Variants in KDM5A observed in about 807,000 individuals in gnomAD.
The protein encoded by KDM5A is lysine-specific demethylase 5A.
Under a neutral mutation model 193.5 loss-of-function variants are expected in KDM5A, and 42 were observed. The ratio of observed to expected loss-of-function variants is 0.22; its 90% CI spans 0.17 to 0.28. The LOEUF (loss-of-function observed/expected upper bound fraction) is 0.28, where lower values mean the gene tolerates loss of function less well. Ranked by LOEUF, KDM5A falls within the 10% of genes least tolerant of loss-of-function variation. The pLI, the probability that KDM5A is intolerant of heterozygous loss-of-function variation, is 1.00. For missense variants in KDM5A, 1,692 were observed against 2,055.1 expected, an observed-to-expected ratio of 0.82 and a Z score of 3.42; for synonymous variants, 796 against 718.1, an observed-to-expected ratio of 1.11 and a Z score of -1.73.
chr12:307,300 A>G lies in KDM5A; in HGVS notation c.3930+154T>C, dbSNP rs965333977. Among the ~76,000 whole-genome samples the G allele has an allele frequency of 7.9e-5, 12 of 152,232 alleles. No homozygotes were observed. The highest frequency in any genetic ancestry group is 2.7e-4 in the African/African-American group (11 of 41,470). On this transcript the variant is annotated intron_variant, in intron 23 of 27. Transcript: ENST00000399788. The surrounding 1 kb of genome is among the most constrained non-coding windows in gnomAD (Gnocchi z 4.3). ...TATTTCACTAAGTACGTATCCAAAAAAAGTGCTATAGTGTATGTTGAAGGA... is the reference window on the plus strand; with the variant it reads ...TATTTCACTAAGTACGTATCCAAAAGAAGTGCTATAGTGTATGTTGAAGGA...
intron 14 of KDM5A, among the ~76,000 whole-genome samples, chr12:324,576 A>T (rs1362304804): frequency 6.6e-6 from 1 of 152,202 alleles, no homozygotes; most frequent in East Asian, 1.9e-4. Context: ...TCAGTATGCC[A>T]AGAACGTAAG....
chr12:281,511 T>C lies in KDM5A; in HGVS notation c.*3945A>G, dbSNP rs1943153857. The C allele has an allele frequency of 4.3e-6, 1 of 233,032 alleles. No individual in the cohort carries two copies. The highest frequency in any genetic ancestry group is 5.6e-5 in the Admixed American group (1 of 17,762). 14.4% of individuals were successfully genotyped at this position (233,032 alleles called of 1,614,324 possible). A position where few individuals can be genotyped will look rare whatever the true frequency, so the allele number is the denominator to read the frequency against. Reference sequence around the variant, plus strand: ...TAGGAGATACCACTTGGGACATTCATATCCAAAGAAGTAATGGTATGACTT... The same window carrying C: ...TAGGAGATACCACTTGGGACATTCACATCCAAAGAAGTAATGGTATGACTT... On this transcript the variant is annotated 3_prime_UTR_variant, in exon 28 of 28. Coordinates refer to ENST00000399788, the MANE Select transcript of KDM5A (RefSeq NM_001042603.3).
chr12:356,750 G>A (rs751289719), intron 5 of KDM5A, among the ~76,000 whole-genome samples: 1 of 152,074 alleles, frequency 6.6e-6, no homozygotes, highest in Non-Finnish European at 1.5e-5. Context: ...AATAAAACTC[G>A]TGTATGACTC....
intron 4 of KDM5A, 33 bp downstream of exon 4, chr12:365,901 T>C (rs1358459313): frequency 6.2e-7 from 1 of 1,608,634 alleles, no homozygotes; most frequent in South Asian, 1.1e-5. Flanking sequence ...ACTGGATTTA[T>C]CAACTTTTTC....
At chr12:358,594 G>A (rs527420497) in intron 5 of KDM5A, among the ~76,000 whole-genome samples, 5 of 152,166 alleles carry the variant, frequency 3.3e-5, no homozygotes, top group Admixed American at 6.5e-5. Flanking sequence ...CCAAAAAGTA[G>A]AATAAAACAG....
chr12:363,545 G>T (rs1258067001), intron 4 of KDM5A, among the ~76,000 whole-genome samples: 1 of 152,008 alleles, frequency 6.6e-6, no homozygotes, highest in African/African-American at 2.4e-5. Flanking sequence ...AAATGGCGCT[G>T]GTACTACTCA....
At chr12:358,798 C>T (rs978579550) in intron 5 of KDM5A, among the ~76,000 whole-genome samples, 1 of 151,808 alleles carries the variant, frequency 6.6e-6, no homozygotes, top group Non-Finnish European at 1.5e-5. Flanking sequence ...ATGGTGAAAC[C>T]CTGCTTCTAC....
At chr12:361,481 A>G (rs1270247431) in intron 5 of KDM5A, among the ~76,000 whole-genome samples, 1 of 152,178 alleles carries the variant, frequency 6.6e-6, no homozygotes, top group Non-Finnish European at 1.5e-5. Flanking sequence ...GGCGTGAGCC[A>G]CCATGCCCGG....
In KDM5A at chr12:310,985, G is replaced by A. The variant is rs2137394232; in HGVS notation, c.3116C>T (p.Ala1039Val). 2 of 1,614,146 alleles carry A rather than the reference G, an allele frequency of 1.2e-6. No homozygotes were observed. The highest frequency in any genetic ancestry group is 1.7e-6 in the Non-Finnish European group (2 of 1,180,022). The change falls in exon 21 of 28, where the codon GCA becomes GTA. Residue 1039 changes from alanine to valine, a missense_variant. Physicochemically the swap from Ala to Val is moderately conservative, Grantham distance 64. Coordinates refer to ENST00000399788, the MANE Select transcript of KDM5A (RefSeq NM_001042603.3). ...KGRPIPVRLE[A>V]LPQVESQVAA... ...TACCTGTGATTCCACTTGCGGCAGT[G>A]CTTCAAGACGCACAGGAATAGGGCG...
chr12:323,344 T>C (rs1943744907), intron 15 of KDM5A, 138 bp from the exon 16 acceptor site: 1 of 1,118,372 alleles, frequency 8.9e-7, no homozygotes, highest in Non-Finnish European at 1.3e-6. Context: ...GGGATCTTAG[T>C]TCACATAAAG....
intron 24 of KDM5A, among the ~76,000 whole-genome samples, chr12:300,985 A>C (rs1393840973): frequency 1.3e-5 from 2 of 152,224 alleles, no homozygotes; most frequent in East Asian, 1.9e-4. Flanking sequence ...ACCAGGAAGA[A>C]GTTGAATCCC....
chr12:368,836 C>A (rs1249926009), intron 3 of KDM5A, among the ~76,000 whole-genome samples: 1 of 152,168 alleles, frequency 6.6e-6, no homozygotes, highest in South Asian at 2.1e-4. Flanking sequence ...GGTGCCTACA[C>A]CTCGTTATGA....
At chr12:388,283 A>G (rs1477169435) in intron 1 of KDM5A, 1 of 456,062 alleles carries the variant, frequency 2.2e-6, no homozygotes, top group South Asian at 1.5e-5. Flanking sequence ...GTTATCTGCA[A>G]TAACTGTGAT....
chr12:328,872 T>C lies in KDM5A; in HGVS notation c.1931A>G (p.Glu644Gly), dbSNP rs1943826732. Residue 644 changes from glutamate to glycine, a missense_variant, in exon 14 of 28, where the codon GAA (glutamate) becomes GGA (glycine). Around this residue, in one of 11 missense-constraint regions of KDM5A, gnomAD observed 88 missense variants for 124.6 expected, o/e 0.71. Coordinates refer to ENST00000399788, the MANE Select transcript of KDM5A (RefSeq NM_001042603.3). ...MVCKELTLMT[E>G]EETRLRESVV... ...AGACTCTCTTAATCGTGTTTCTTCT[T>C]CAGTCATGAGAGTCAATTCTTTGCA... 1 of 1,614,070 alleles carries C rather than the reference T, an allele frequency of 6.2e-7. No homozygotes were observed. Among genetic ancestry groups the C allele is most frequent in the African/African-American group, 1.3e-5 (1 of 74,944 alleles).
intron 13 of KDM5A, among the ~76,000 whole-genome samples, chr12:330,085 G>GTGTGTGTGTGTATA (rs377271333): frequency 0.013 from 1,839 of 139,314 alleles, 17 homozygotes; most frequent in East Asian, 0.028. Context: ...GTGTGTGTGT[G>GTGTGTGTGTGTATA]TATATATATA....
At chr12:311,347 T>C in intron 20 of KDM5A, 1 of 410,126 alleles carries the variant, frequency 2.4e-6, no homozygotes, top group Non-Finnish European at 4.5e-6. Flanking sequence ...CAGACATATA[T>C]AAACACAGTT....
chr12:385,986 GA>G lies in KDM5A; in HGVS notation c.166-13del, dbSNP rs1414373460. 6.2e-7 allele frequency: 1 copy of G among 1,608,594 alleles called. No homozygotes were observed. The highest frequency in any genetic ancestry group is 2.2e-5 in the East Asian group (1 of 44,808). ...GGAGGCTGCCAGTCCTAAATAGAAAGATTTTTTTAAAAAAACACAGTGGTAT... is the reference window on the plus strand; with the variant it reads ...GGAGGCTGCCAGTCCTAAATAGAAAGTTTTTTTAAAAAAACACAGTGGTAT... On this transcript the variant is annotated splice_polypyrimidine_tract_variant and intron_variant, in intron 1 of 27. Transcript: ENST00000399788.
chr12:313,546 G>C (rs1943615390), intron 19 of KDM5A, among the ~76,000 whole-genome samples: 1 of 152,096 alleles, frequency 6.6e-6, no homozygotes, highest in South Asian at 2.1e-4. Flanking sequence ...CACTATACTA[G>C]ACTGCCTCTA....
At position 333,514 on chromosome 12, in the gene KDM5A, G is replaced by C. The variant is rs764932500; in HGVS notation, c.1626C>G (p.Pro542=). 22 of 1,614,064 alleles carry C rather than the reference G, an allele frequency of 1.4e-5. No homozygotes were observed. The highest frequency in any genetic ancestry group is 1.8e-5 in the Non-Finnish European group (21 of 1,180,036). Residue 542 remains proline (P), a synonymous_variant, in exon 12 of 28, where the codon CCC becomes CCG. Transcript: ENST00000399788. ...LLHQLVTIMN[P]NVLMEHGVPV... is the part of the protein sequence containing the mutation. ...GCACACCATGCTCCATTAGCACGTT[G>C]GGGTTCATGATGGTAACTAACTGAT...
Sources: allele counts gnomAD v4.1 joint callset (sites outside exome capture counted in the v4.1 genomes callset), GRCh38; gene constraint gnomAD v4.1.1; regional missense constraint gnomAD v4.1.1; non-coding constraint Gnocchi (gnomAD v3.1); transcripts MANE v1.5; gene names NCBI Gene and HGNC (gene_info 2026-07-23, HGNC 2026-07-21).